LIMCH1: variants seen among roughly 807,000 people sequenced by gnomAD.
LIMCH1 encodes the protein LIM and calponin homology domains 1.
A neutral mutation model predicts 176.5 loss-of-function variants in LIMCH1; 113 were observed. The observed-to-expected ratio is 0.64, with a 90% CI of 0.55 to 0.75. The LOEUF (loss-of-function observed/expected upper bound fraction) is 0.75. LIMCH1 is among the 30% of genes least tolerant of loss of function. LIMCH1 has a pLI of 0.00. For synonymous variants in LIMCH1, 619 were observed against 645.9 expected (o/e 0.96, Z 0.63); for missense variants, 1,674 against 1,814.9 (o/e 0.92, Z 1.41).
At chr4:41,669,271 G>A (rs1190266027) in intron 21 of LIMCH1, among the ~76,000 whole-genome samples, 1 of 152,140 alleles carries the variant, frequency 6.6e-6, no homozygotes, top group African/African-American at 2.4e-5. Context: ...CATAAAAAGT[G>A]TTTAGCTCAA....
At position 41,681,071 on chromosome 4, in the gene LIMCH1, G is replaced by A. The variant is rs568107128; in HGVS notation, c.3717+12G>A. 16 of 1,503,608 alleles carry A rather than the reference G, an allele frequency of 1.1e-5. No individual in the cohort carries two copies. The South Asian group carries it at 1.2e-4, about 12-fold the overall frequency. The allele number at this position is 1,503,608 out of a possible 1,614,324, so 93.1% of individuals were successfully genotyped here. On this transcript the variant is annotated intron_variant, in intron 25 of 31. Transcript: ENST00000503057. ...GCAGTGGGACAATGGTGAGACCACA[G>A]ATTAAAAGCAATTTGTGAAATAAAT...
At chr4:41,668,629 A>G (rs189372828) in intron 21 of LIMCH1, among the ~76,000 whole-genome samples, 4 of 152,386 alleles carry the variant, frequency 2.6e-5, no homozygotes, top group Admixed American at 2.6e-4. Flanking sequence ...TTAGTAGAGT[A>G]CTGAAACATT....
chr4:41,492,890 T>C (rs2071350018), intron 1 of LIMCH1, among the ~76,000 whole-genome samples: 1 of 152,162 alleles, frequency 6.6e-6, no homozygotes, highest in Admixed American at 6.5e-5. Flanking sequence ...TTATTTTTCT[T>C]CTGAAAGTTT....
intron 3 of LIMCH1, among the ~76,000 whole-genome samples, chr4:41,529,498 C>G (rs989433860): frequency 6.6e-6 from 1 of 152,112 alleles, no homozygotes; most frequent in African/African-American, 2.4e-5. Context: ...AATTTTACGT[C>G]TTAGATGTAT....
chr4:41,513,814 G>C (rs1245830096), intron 2 of LIMCH1, among the ~76,000 whole-genome samples: 2 of 151,834 alleles, frequency 1.3e-5, no homozygotes, highest in Non-Finnish European at 2.9e-5. Context: ...AGACCAGCCT[G>C]GTCAACATGG....
At chr4:41,618,742 T>C (rs1378332110) in intron 5 of LIMCH1, among the ~76,000 whole-genome samples, 4 of 152,224 alleles carry the variant, frequency 2.6e-5, no homozygotes, top group Non-Finnish European at 5.9e-5. Flanking sequence ...AGGTATGTTA[T>C]GGGTTGGTTA....
chr4:41,512,001 A>G (rs2074986509), intron 2 of LIMCH1, among the ~76,000 whole-genome samples: 1 of 152,212 alleles, frequency 6.6e-6, no homozygotes, highest in African/African-American at 2.4e-5. Context: ...TTTGCAAATC[A>G]TATATCTGAT....
chr4:41,684,338 A>G, intron 26 of LIMCH1, 59 bp from the exon 27 acceptor site: 1 of 1,541,326 alleles, frequency 6.5e-7, no homozygotes, highest in South Asian at 1.3e-5. Context: ...TATAGGACCA[A>G]GAAGTTCGAT....
chr4:41,581,219 G>A (rs2085374680), intron 1 of LIMCH1, among the ~76,000 whole-genome samples: 1 of 151,920 alleles, frequency 6.6e-6, no homozygotes, highest in African/African-American at 2.4e-5. Flanking sequence ...TATTTAAGGT[G>A]TGCAACATCA....
intron 1 of LIMCH1, among the ~76,000 whole-genome samples, chr4:41,413,379 G>A: frequency 6.6e-6 from 1 of 151,874 alleles, no homozygotes; most frequent in Non-Finnish European, 1.5e-5. Flanking sequence ...GCCTAGACTG[G>A]ACTACAGTGG....
intron 22 of LIMCH1, 115 bp downstream of exon 22, chr4:41,671,709 T>A (rs2095039505): frequency 1.3e-6 from 1 of 756,096 alleles, no homozygotes; most frequent in Non-Finnish European, 2.3e-6. Flanking sequence ...ACGCCTGTAA[T>A]CCCAACACTT....
chr4:41,547,489 C>T (rs1327418757), intron 1 of LIMCH1, among the ~76,000 whole-genome samples: 1 of 148,354 alleles, frequency 6.7e-6, no homozygotes, highest in Non-Finnish European at 1.5e-5. Flanking sequence ...AGCCACTTCC[C>T]AGCCCAAGGT....
intron 17 of LIMCH1, 23 bp downstream of exon 17, chr4:41,646,916 A>G (rs1448140528): frequency 6.3e-7 from 1 of 1,591,524 alleles, no homozygotes; most frequent in African/African-American, 1.3e-5. Flanking sequence ...CCTTAAGAGT[A>G]GAACCAAAGC....
intron 1 of LIMCH1, among the ~76,000 whole-genome samples, chr4:41,551,684 T>C (rs1161924832): frequency 2.6e-5 from 4 of 152,186 alleles, no homozygotes; most frequent in Non-Finnish European, 5.9e-5. Flanking sequence ...GAATATTTCA[T>C]AATACATGGA....
rs1447570819 is a variant in LIMCH1, at chr4:41,670,793, G to A, written c.3398-761G>A. The A allele has an allele frequency of 2.6e-6, 4 of 1,535,814 alleles. No homozygotes were observed. The East Asian group carries it at 9.8e-5, about 38-fold the overall frequency. ...CGATCCCAGTTTTTCTCCCAGTCAG[G>A]TAAACTGCATACTGGGTAGCTGTAT... On this transcript the variant is annotated intron_variant, in intron 21 of 31. Coordinates refer to ENST00000503057, the MANE Select transcript of LIMCH1 (RefSeq NM_001330672.2).
At chr4:41,551,052 A>G (rs1259790826) in intron 1 of LIMCH1, 1 of 152,184 alleles carries the variant, frequency 6.6e-6, no homozygotes, top group African/African-American at 2.4e-5. Context: ...TTTCATAGGT[A>G]TTCATATTGG....
Position 41,564,802 on chromosome 4 carries a change from G to A in LIMCH1, c.-241+26452G>A, listed in dbSNP as rs190284626. On this transcript the variant is annotated intron_variant, in intron 1 of 31. Transcript: ENST00000503057. ...AGGATCAGGTGGAGATAATTGAATCGTGGAGGAGGTTTTCCCTGTGTTGTT... is the reference window on the plus strand; with the variant it reads ...AGGATCAGGTGGAGATAATTGAATCATGGAGGAGGTTTTCCCTGTGTTGTT... Among the ~76,000 whole-genome samples the A allele has an allele frequency of 3.2e-3, 484 of 152,246 alleles. 1 individual carries two copies. Among genetic ancestry groups the A allele is most frequent in the African/African-American group, 0.011 (452 of 41,556 alleles).
intron 18 of LIMCH1, among the ~76,000 whole-genome samples, chr4:41,658,334 A>G (rs1376958862): frequency 6.6e-6 from 1 of 152,216 alleles, no homozygotes; most frequent in Non-Finnish European, 1.5e-5. Flanking sequence ...ATCAAATGTC[A>G]GGATGTAACC....
At chr4:41,615,181 G>T (rs10001293) in intron 5 of LIMCH1, among the ~76,000 whole-genome samples, 1,836 of 152,240 alleles carry the variant, frequency 0.012, 32 homozygotes, top group African/African-American at 0.037. Context: ...TCCAAAACAT[G>T]TCTTAACCAA....
Sources: allele counts gnomAD v4.1 joint callset (sites outside exome capture counted in the v4.1 genomes callset), GRCh38; gene constraint gnomAD v4.1.1; transcripts MANE v1.5; gene names NCBI Gene and HGNC (gene_info 2026-07-23, HGNC 2026-07-21).